KLC4: variants seen among roughly 807,000 people sequenced by gnomAD.
KLC4 encodes kinesin-like protein 8.
A neutral mutation model predicts 77.2 loss-of-function variants in KLC4; 49 were observed. The observed-to-expected ratio is 0.63, with a 90% CI of 0.50 to 0.80. The LOEUF (loss-of-function observed/expected upper bound fraction) is 0.80. KLC4 is among the 30% of genes least tolerant of loss of function. The pLI is 0.00. For missense variants in KLC4, 669 were observed against 793.5 expected (o/e 0.84, Z 1.89); for synonymous variants, 274 against 314.5 (o/e 0.87, Z 1.36).
rs963290936 is a variant in KLC4, at chr6:43,072,847, G to A, written c.1512G>A (p.Thr504=). Residue 504 remains threonine, a synonymous_variant, in exon 13 of 16, where the codon ACG becomes ACA. Coordinates refer to ENST00000347162, the MANE Select transcript of KLC4 (RefSeq NM_201521.3). ...AGGGCACTGACCCTATCAGCCAGAC[G>A]AAGGTGGCAGAGCTGCTTGGGGAGA... is the stretch of plus-strand genomic sequence containing the variant. ...RRQGTDPISQ[T]KVAELLGESD... The A allele has an allele frequency of 1.5e-5, 24 of 1,613,842 alleles. No homozygotes were observed. The highest frequency in any genetic ancestry group is 1.9e-5 in the Non-Finnish European group (22 of 1,179,934).
intron 11 of KLC4, 36 bp downstream of exon 11, chr6:43,071,958 T>C (rs1465656035): frequency 6.3e-7 from 1 of 1,583,930 alleles, no homozygotes; most frequent in Non-Finnish European, 8.6e-7. Flanking sequence ...TGGCCTCCGA[T>C]GCCCTCCATC....
chr6:43,073,402 G>C, intron 14 of KLC4, 64 bp downstream of exon 14: 2 of 1,231,476 alleles, frequency 1.6e-6, no homozygotes, highest in East Asian at 5.0e-5. Flanking sequence ...TGTAATCCCA[G>C]CACTTTGGGA....
intron 3 of KLC4, among the ~76,000 whole-genome samples, chr6:43,063,622 C>T (rs561196560): frequency 1.3e-5 from 2 of 151,214 alleles, no homozygotes; most frequent in South Asian, 4.2e-4. Flanking sequence ...GGTGCAATCT[C>T]AGGTCACAGC....
At chr6:43,072,710 G>A (rs1765790331) in intron 12 of KLC4, 114 bp from the exon 13 acceptor site, 1 of 936,430 alleles carries the variant, frequency 1.1e-6, no homozygotes, top group African/African-American at 1.6e-5. Flanking sequence ...TATAAACTGA[G>A]ACATCACAAG....
intron 6 of KLC4, among the ~76,000 whole-genome samples, chr6:43,069,391 C>T (rs763156997): frequency 1.3e-5 from 2 of 150,814 alleles, no homozygotes; most frequent in East Asian, 2.0e-4. Context: ...ATTACAGGTA[C>T]GTGCTACCAC....
At position 43,070,431 on chromosome 6, in the gene KLC4, G is replaced by A; in HGVS notation, c.957G>A (p.Gln319=). 2 of 1,613,974 alleles carry A rather than the reference G, an allele frequency of 1.2e-6. No homozygotes were observed. Among genetic ancestry groups the A allele is most frequent in the East Asian group, 4.5e-5 (2 of 44,890 alleles). Residue 319 remains glutamine (Q), a synonymous_variant, in exon 7 of 16, where the codon CAG becomes CAA. Coordinates refer to ENST00000347162, the MANE Select transcript of KLC4 (RefSeq NM_201521.3). ...GKYKEAEPLC[Q]RALEIREKVL... is the part of the protein sequence containing the mutation. ...ACAAGGAGGCAGAGCCTCTGTGCCA[G>A]CGGGCACTGGAGATTCGAGAAAAGG...
At chr6:43,063,679 G>A (rs952909075) in intron 3 of KLC4, among the ~76,000 whole-genome samples, 2 of 151,680 alleles carry the variant, frequency 1.3e-5, no homozygotes, top group African/African-American at 2.4e-5. Flanking sequence ...TCAGCCTCTT[G>A]AGTAGCTAGG....
At chr6:43,073,032 C>T (rs1765806814) in intron 13 of KLC4, 68 bp downstream of exon 13, 7 of 1,514,068 alleles carry the variant, frequency 4.6e-6, no homozygotes, top group Non-Finnish European at 8.9e-7. Flanking sequence ...AGGCTCTTGG[C>T]CATGCTGTCC....
intron 6 of KLC4, among the ~76,000 whole-genome samples, chr6:43,068,211 T>C (rs773290667): frequency 2.1e-4 from 31 of 147,016 alleles, no homozygotes; most frequent in Middle Eastern, 3.9e-3. Flanking sequence ...CAGTGGCTCA[T>C]GCCTGTAATC....
rs140510055 is a variant in KLC4, at chr6:43,061,361, G to A, written c.26G>A (p.Arg9Gln). ...ATGTCAGGCCTGGTGTTGGGGCAGC[G>A]GGATGAGCCTGCAGGCCACCGGCTC... MSGLVLGQ[R>Q]DEPAGHRLSQ... is the part of the protein sequence containing the mutation. Residue 9 changes from arginine (R) to glutamine (Q), a missense_variant, in exon 2 of 16, where the codon CGG (arginine) becomes CAG (glutamine). Physicochemically the swap from Arg to Gln is conservative, Grantham distance 43. Transcript: ENST00000347162. The A allele has an allele frequency of 2.4e-4, 390 of 1,613,728 alleles. No individual in the cohort carries two copies. Among genetic ancestry groups the A allele is most frequent in the Non-Finnish European group, 3.1e-4 (363 of 1,180,036 alleles).
intron 1 of KLC4, chr6:43,059,998 A>C: frequency 1.0e-5 from 14 of 1,346,382 alleles, no homozygotes; most frequent in East Asian, 3.2e-5. Context: ...TCACTCTCCC[A>C]ACCCTGGGCA....
chr6:43,060,592 T>C, intron 1 of KLC4: 1 of 1,209,288 alleles, frequency 8.3e-7, no homozygotes, highest in Non-Finnish European at 1.0e-6. Context: ...CCAGGGCCTC[T>C]GCTCTGTACA....
At chr6:43,061,837 CATAA>C (rs1646695613) in intron 2 of KLC4, among the ~76,000 whole-genome samples, 1 of 152,124 alleles carries the variant, frequency 6.6e-6, no homozygotes, top group South Asian at 2.1e-4. Flanking sequence ...ACAGACAATA[CATAA>C]ATAAATAATG....
At chr6:43,072,482 A>G (rs1765781216) in intron 12 of KLC4, among the ~76,000 whole-genome samples, 3 of 152,168 alleles carry the variant, frequency 2.0e-5, no homozygotes. Context: ...AAATGGGGAT[A>G]TGAAGGAGAA....
intron 14 of KLC4, 45 bp from the exon 15 acceptor site, chr6:43,073,857 C>G: frequency 1.9e-6 from 3 of 1,583,960 alleles, no homozygotes; most frequent in Non-Finnish European, 2.6e-6. Flanking sequence ...TAAGGCCACT[C>G]AGGAGGAAGA....
At chr6:43,062,101 G>A (rs1371149291) in intron 2 of KLC4, among the ~76,000 whole-genome samples, 1 of 152,224 alleles carries the variant, frequency 6.6e-6, no homozygotes, top group African/African-American at 2.4e-5. Flanking sequence ...AGTCTGCCTG[G>A]TGAGGTCAGT....
intron 3 of KLC4, among the ~76,000 whole-genome samples, chr6:43,064,683 T>C (rs980913685): frequency 3.3e-5 from 5 of 152,146 alleles, no homozygotes; most frequent in African/African-American, 4.8e-5. Context: ...CAGGGTGTCA[T>C]TGATAAGGCT....
chr6:43,061,170 T>C, intron 1 of KLC4, 141 bp from the exon 2 acceptor site: 1 of 834,450 alleles, frequency 1.2e-6, no homozygotes, highest in Non-Finnish European at 1.9e-6. Context: ...CCCTGCCTGC[T>C]GGTCACTCTC....
Position 43,074,839 on chromosome 6 carries a change from C to A in KLC4, c.*167C>A. 1.5e-6 allele frequency: 1 copy of A among 650,554 alleles called. No homozygotes were observed. The highest frequency in any genetic ancestry group is 2.8e-6 in the Non-Finnish European group (1 of 359,444). The allele number at this position is 650,554 out of a possible 1,614,324, so 40.3% of individuals were successfully genotyped here. A position where few individuals can be genotyped will look rare whatever the true frequency, so the allele number is the denominator to read the frequency against. On this transcript the variant is annotated 3_prime_UTR_variant, in exon 16 of 16. Coordinates refer to ENST00000347162, the MANE Select transcript of KLC4 (RefSeq NM_201521.3). Reference sequence around the variant, plus strand: ...GGGTCTCAGCTCCCTCCTCAGGAATCCCTCTTAGGAAGGACCCTCAGGACA... The same window carrying A: ...GGGTCTCAGCTCCCTCCTCAGGAATACCTCTTAGGAAGGACCCTCAGGACA...
Sources: allele counts gnomAD v4.1 joint callset (sites outside exome capture counted in the v4.1 genomes callset), GRCh38; gene constraint gnomAD v4.1.1; transcripts MANE v1.5; gene names NCBI Gene and HGNC (gene_info 2026-07-23, HGNC 2026-07-21).